MAST4: variants seen among roughly 807,000 people sequenced by gnomAD.
The protein encoded by MAST4 is microtubule associated serine/threonine kinase family member 4.
Under a neutral mutation model 162.7 loss-of-function variants are expected in MAST4, and 89 were observed. That is an observed-to-expected ratio of 0.55 (90% CI 0.46 to 0.65). The LOEUF (loss-of-function observed/expected upper bound fraction) is 0.65, where lower values mean the gene tolerates loss of function less well. Among genes scored for constraint, MAST4 ranks in the 30% least tolerant of loss-of-function variants. MAST4 has a pLI of 0.00. For synonymous variants in MAST4, 1,479 were observed against 1,361.1 expected (o/e 1.09, Z -1.91); for missense variants, 3,153 against 3,374.0 (o/e 0.93, Z 1.62).
chr5:67,136,924 T>G (rs1207800995), intron 19 of MAST4, among the ~76,000 whole-genome samples: 3 of 152,254 alleles, frequency 2.0e-5, no homozygotes, highest in Non-Finnish European at 4.4e-5. Context: ...TATGCTTAAT[T>G]TGTTTCAATA....
At chr5:66,917,262 T>C (rs2150032624) in intron 4 of MAST4, 1 of 446,604 alleles carries the variant, frequency 2.2e-6, no homozygotes. Context: ...ACTTCATGCT[T>C]ATTTTCACTG....
At chr5:66,650,386 C>T (rs75811227) in intron 1 of MAST4, among the ~76,000 whole-genome samples, 2,719 of 152,172 alleles carry the variant, frequency 0.018, 92 homozygotes, top group African/African-American at 0.062. Context: ...AGCATTTGCC[C>T]ATTTCTGTGG....
At chr5:66,734,638 C>T (rs137920734) in intron 1 of MAST4, among the ~76,000 whole-genome samples, 1 of 152,294 alleles carries the variant, frequency 6.6e-6, no homozygotes, top group Admixed American at 6.5e-5. Flanking sequence ...AGATGATAGA[C>T]ATGTTCTATA....
intron 1 of MAST4, among the ~76,000 whole-genome samples, chr5:66,652,102 A>ACC (rs1054025557): frequency 1.3e-5 from 2 of 152,198 alleles, no homozygotes; most frequent in African/African-American, 4.8e-5. Flanking sequence ...GTTGTTGCCT[A>ACC]CCATAATTAC....
chr5:67,090,457 TCCCCG>T (rs1188410181), intron 6 of MAST4, among the ~76,000 whole-genome samples: 3 of 86,394 alleles, frequency 3.5e-5, no homozygotes, highest in African/African-American at 1.0e-4. Context: ...CTTCTCCCCC[TCCCCG>T]CTTCTCCCCC....
intron 3 of MAST4, among the ~76,000 whole-genome samples, chr5:66,898,778 C>T (rs902388271): frequency 2.0e-5 from 3 of 152,090 alleles, no homozygotes; most frequent in Non-Finnish European, 4.4e-5. Flanking sequence ...AATATATTTG[C>T]CAGTTAATAA....
intron 3 of MAST4, among the ~76,000 whole-genome samples, chr5:66,854,686 AC>A (rs1209166371): frequency 6.6e-6 from 1 of 151,800 alleles, no homozygotes; most frequent in Non-Finnish European, 1.5e-5. Context: ...GGGAAGTGAC[AC>A]CTCCTCACTT....
chr5:66,746,901 A>G (rs558838121), intron 1 of MAST4, among the ~76,000 whole-genome samples: 1 of 152,374 alleles, frequency 6.6e-6, no homozygotes, highest in South Asian at 2.1e-4. Context: ...TCATAATTTG[A>G]AAACTATGCA....
At chr5:67,144,998 T>A in intron 22 of MAST4, 146 bp from the exon 23 acceptor site, 1 of 883,576 alleles carries the variant, frequency 1.1e-6, no homozygotes, top group Non-Finnish European at 1.7e-6. Flanking sequence ...GTTGCTGCTG[T>A]GGGTACCACA....
At chr5:67,027,643 T>C (rs1372377335) in intron 4 of MAST4, among the ~76,000 whole-genome samples, 1 of 152,218 alleles carries the variant, frequency 6.6e-6, no homozygotes, top group African/African-American at 2.4e-5. Flanking sequence ...ATAAGCCTTT[T>C]CACCATAAGG....
chr5:66,766,766 C>A (rs1754114682), intron 2 of MAST4, among the ~76,000 whole-genome samples: 1 of 152,090 alleles, frequency 6.6e-6, no homozygotes, highest in African/African-American at 2.4e-5. Context: ...CTTAAACTTT[C>A]CTATACACTC....
intron 3 of MAST4, among the ~76,000 whole-genome samples, chr5:66,895,862 A>T (rs1377701467): frequency 6.6e-6 from 1 of 152,110 alleles, no homozygotes; most frequent in East Asian, 1.9e-4. Context: ...AATAATTTTA[A>T]AATTTATAGA....
At chr5:67,105,535 C>G (rs1021583986) in intron 10 of MAST4, among the ~76,000 whole-genome samples, 1 of 152,180 alleles carries the variant, frequency 6.6e-6, no homozygotes, top group African/African-American at 2.4e-5. Flanking sequence ...CAACTGCAGT[C>G]CACTGATGCA....
At chr5:67,148,272 TAA>T (rs1359581031) in intron 23 of MAST4, among the ~76,000 whole-genome samples, 3 of 152,132 alleles carry the variant, frequency 2.0e-5, no homozygotes, top group Admixed American at 6.6e-5. Flanking sequence ...CATGTAGAAG[TAA>T]AATGAGATGA....
At chr5:66,690,766 T>C (rs368883261) in intron 1 of MAST4, among the ~76,000 whole-genome samples, 1 of 152,206 alleles carries the variant, frequency 6.6e-6, no homozygotes, top group East Asian at 1.9e-4. Flanking sequence ...ATGGAGGTTT[T>C]GGTGAAGGTG....
At chr5:66,757,724 A>G (rs1753627427) in intron 1 of MAST4, among the ~76,000 whole-genome samples, 1 of 152,224 alleles carries the variant, frequency 6.6e-6, no homozygotes. Flanking sequence ...CGGTGTGACA[A>G]AAGGTTAACT....
chr5:66,972,080 G>T (rs1483455927), intron 4 of MAST4, among the ~76,000 whole-genome samples: 1 of 152,140 alleles, frequency 6.6e-6, no homozygotes, highest in Non-Finnish European at 1.5e-5. Context: ...AATTAACTAG[G>T]CAATGTATGT....
intron 1 of MAST4, among the ~76,000 whole-genome samples, chr5:66,635,743 T>C (rs1175722170): frequency 1.3e-5 from 2 of 151,858 alleles, no homozygotes; most frequent in Non-Finnish European, 2.9e-5. Context: ...AATGGCATGA[T>C]CTTGGCTCAC....
chr5:66,719,888 A>G (rs1461338148), intron 1 of MAST4, among the ~76,000 whole-genome samples: 1 of 152,086 alleles, frequency 6.6e-6, no homozygotes, highest in Non-Finnish European at 1.5e-5. Flanking sequence ...ATGCTCGAGA[A>G]TTTTCAAGCA....
Sources: allele counts gnomAD v4.1 joint callset (sites outside exome capture counted in the v4.1 genomes callset), GRCh38; gene constraint gnomAD v4.1.1; transcripts MANE v1.5; gene names NCBI Gene and HGNC (gene_info 2026-07-23, HGNC 2026-07-21).